ADGRG6: variants seen among roughly 807,000 people sequenced by gnomAD.
The protein encoded by ADGRG6 is G-protein coupled receptor 126.
In ADGRG6, 84 loss-of-function variants were observed where a neutral mutation model predicts 142.4. The observed-to-expected ratio is 0.59, with a 90% CI of 0.49 to 0.71. ADGRG6 has a LOEUF of 0.71. ADGRG6 is among the 30% of genes least tolerant of loss of function. The pLI is 0.00. For missense variants in ADGRG6, 1,367 were observed against 1,466.6 expected (o/e 0.93, Z 1.11); for synonymous variants, 521 against 520.5 (o/e 1.00, Z -0.01).
At chr6:142,309,948 A>G (rs1244702637) in intron 2 of ADGRG6, among the ~76,000 whole-genome samples, 1 of 151,872 alleles carries the variant, frequency 6.6e-6, no homozygotes, top group Non-Finnish European at 1.5e-5. Flanking sequence ...ATCGCATTTA[A>G]AAAGTGGTAG....
chr6:142,312,158 A>G (rs1306338874), intron 2 of ADGRG6, among the ~76,000 whole-genome samples: 1 of 152,024 alleles, frequency 6.6e-6, no homozygotes, highest in Admixed American at 6.6e-5. Flanking sequence ...TGTTTTGTTA[A>G]TTTGACTGTG....
intron 2 of ADGRG6, among the ~76,000 whole-genome samples, chr6:142,340,688 A>C (rs936846303): frequency 1.3e-5 from 2 of 152,120 alleles, no homozygotes; most frequent in African/African-American, 4.8e-5. Context: ...TGAGAGAGAC[A>C]TTCTTGTCCC....
At chr6:142,387,456 A>G (rs1782088133) in intron 6 of ADGRG6, among the ~76,000 whole-genome samples, 3 of 152,224 alleles carry the variant, frequency 2.0e-5, no homozygotes, top group Admixed American at 2.0e-4. Flanking sequence ...CCATTACTCT[A>G]GCTTTTTATG....
At chr6:142,399,616 A>C (rs529333818) in intron 10 of ADGRG6, among the ~76,000 whole-genome samples, 1 of 152,314 alleles carries the variant, frequency 6.6e-6, no homozygotes, top group East Asian at 1.9e-4. Flanking sequence ...CATTTAATTT[A>C]AATTATCCGT....
chr6:142,385,620 A>T (rs1279572555), intron 6 of ADGRG6, among the ~76,000 whole-genome samples: 1 of 152,176 alleles, frequency 6.6e-6, no homozygotes, highest in Non-Finnish European at 1.5e-5. Context: ...GTGAATATAA[A>T]TATAATGTAA....
At chr6:142,302,426 T>C in intron 1 of ADGRG6, 95 bp downstream of exon 1, 5 of 1,346,614 alleles carry the variant, frequency 3.7e-6, no homozygotes, top group African/African-American at 1.4e-5. Context: ...TCAAGAGAAA[T>C]GATTTTATAA....
intron 2 of ADGRG6, among the ~76,000 whole-genome samples, chr6:142,327,383 A>G (rs569875219): frequency 2.6e-5 from 4 of 152,244 alleles, no homozygotes; most frequent in Admixed American, 2.6e-4. Flanking sequence ...CACCGTCTAT[A>G]TTAGGAAATG....
At position 142,390,281 on chromosome 6, in the gene ADGRG6, G is replaced by A. The variant is rs555414871; in HGVS notation, c.1246G>A (p.Val416Ile). Residue 416 changes from valine (V) to isoleucine (I), a missense_variant, in exon 7 of 25, where the codon GTA (valine) becomes ATA (isoleucine). Transcript: ENST00000367609. Reference protein sequence around the residue: ...RNDGIIYRISVVIQNILRHPE... With the variant: ...RNDGIIYRISIVIQNILRHPE... ...AGATGGAATTATCTATAGAATATCCGTAGTGATTCAGAACATCCTTCGTCA... is the reference window on the plus strand; with the variant it reads ...AGATGGAATTATCTATAGAATATCCATAGTGATTCAGAACATCCTTCGTCA... The A allele has an allele frequency of 1.6e-5, 25 of 1,591,204 alleles. 1 individual carries two copies. The highest frequency in any genetic ancestry group is 5.6e-5 in the South Asian group (5 of 89,426).
chr6:142,443,923 A>G lies in ADGRG6; in HGVS notation c.*408A>G, dbSNP rs1339209444. 2 of 153,516 alleles carry G rather than the reference A, an allele frequency of 1.3e-5. No homozygotes were observed. Among genetic ancestry groups the G allele is most frequent in the African/African-American group, 4.8e-5 (2 of 41,494 alleles). 9.5% of individuals were successfully genotyped at this position (153,516 alleles called of 1,614,324 possible). A position where few individuals can be genotyped will look rare whatever the true frequency, so the allele number is the denominator to read the frequency against. ...CCCATTTTCTGCATCTTCTTTCTCAACAATAAAAAATGTAACTATTTTGAA... is the reference window on the plus strand; with the variant it reads ...CCCATTTTCTGCATCTTCTTTCTCAGCAATAAAAAATGTAACTATTTTGAA... On this transcript the variant is annotated 3_prime_UTR_variant, in exon 25 of 25. Coordinates refer to ENST00000367609, the MANE Select transcript of ADGRG6 (RefSeq NM_198569.3).
chr6:142,404,294 A>G, intron 14 of ADGRG6: 3 of 282,226 alleles, frequency 1.1e-5, no homozygotes, highest in Non-Finnish European at 2.0e-5. Flanking sequence ...CCCAAGGTGA[A>G]AAGAAGCATG....
intron 2 of ADGRG6, among the ~76,000 whole-genome samples, chr6:142,328,820 G>T (rs1778905659): frequency 6.6e-6 from 1 of 152,160 alleles, no homozygotes; most frequent in Admixed American, 6.6e-5. Context: ...TTCGATGTTA[G>T]CTAAAATTGG....
At chr6:142,413,733 G>A (rs950656137) in intron 18 of ADGRG6, among the ~76,000 whole-genome samples, 1 of 152,134 alleles carries the variant, frequency 6.6e-6, no homozygotes, top group Non-Finnish European at 1.5e-5. Flanking sequence ...TGTTCTCCCA[G>A]TGTTTTAAGG....
chr6:142,406,354 A>G (rs1255109282), intron 15 of ADGRG6, among the ~76,000 whole-genome samples: 1 of 152,230 alleles, frequency 6.6e-6, no homozygotes, highest in Non-Finnish European at 1.5e-5. Flanking sequence ...TTTTATTGGC[A>G]TCATTTCTAG....
chr6:142,419,909 G>T lies in ADGRG6; in HGVS notation c.3124G>T (p.Val1042Leu), dbSNP rs1459880373. 1 of 1,612,878 alleles carries T rather than the reference G, an allele frequency of 6.2e-7. No homozygotes were observed. The highest frequency in any genetic ancestry group is 1.7e-5 in the Admixed American group (1 of 59,918). ...MFFLNIAMFI[V>L]VMVQICGRNG... ...TTTTCTGAACATTGCCATGTTCATT[G>T]TGGTAATGGTGCAGATCTGTGGGAG... Residue 1042 changes from valine (V) to leucine (L), a missense_variant, in exon 22 of 25, where the codon GTG (valine) becomes TTG (leucine). Coordinates refer to ENST00000367609, the MANE Select transcript of ADGRG6 (RefSeq NM_198569.3).
chr6:142,332,151 G>T (rs2114669593), intron 2 of ADGRG6, among the ~76,000 whole-genome samples: 1 of 152,160 alleles, frequency 6.6e-6, no homozygotes, highest in South Asian at 2.1e-4. Context: ...TCACAATATA[G>T]GTGGCCGCCC....
At chr6:142,443,209 T>C in intron 24 of ADGRG6, 128 bp from the exon 25 acceptor site, 4 of 598,932 alleles carry the variant, frequency 6.7e-6, no homozygotes, top group Non-Finnish European at 1.2e-5. Context: ...TTACCTAATA[T>C]AAGAAAGAAT....
chr6:142,333,865 A>G (rs1028588855), intron 2 of ADGRG6, among the ~76,000 whole-genome samples: 2 of 152,232 alleles, frequency 1.3e-5, no homozygotes, highest in African/African-American at 4.8e-5. Flanking sequence ...CCATCATCAC[A>G]TTAGCACTAA....
chr6:142,310,747 G>A (rs1777727116), intron 2 of ADGRG6, among the ~76,000 whole-genome samples: 1 of 151,706 alleles, frequency 6.6e-6, no homozygotes, highest in Non-Finnish European at 1.5e-5. Flanking sequence ...TGAATTTTGT[G>A]TGTGTGTTTG....
chr6:142,376,475 G>A (rs559860033), intron 4 of ADGRG6, among the ~76,000 whole-genome samples: 16 of 152,234 alleles, frequency 1.1e-4, no homozygotes, highest in Middle Eastern at 3.4e-3. Context: ...TTCTGGATTT[G>A]TATTTTTGTT....
Sources: allele counts gnomAD v4.1 joint callset (sites outside exome capture counted in the v4.1 genomes callset), GRCh38; gene constraint gnomAD v4.1.1; transcripts MANE v1.5; gene names NCBI Gene and HGNC (gene_info 2026-07-23, HGNC 2026-07-21).